The following RAB3C variants were observed in gnomAD, a reference collection of about 807,000 sequenced individuals.
RAB3C encodes ras-related protein Rab-3C.
RAB3C carries 17 observed loss-of-function variants against 26.4 expected under a neutral mutation model. The observed-to-expected ratio is 0.64, with a 90% confidence interval of 0.44 to 0.97. The LOEUF (loss-of-function observed/expected upper bound fraction) is 0.97, where lower values mean the gene tolerates loss of function less well. Among genes scored for constraint, RAB3C ranks in the 50% least tolerant of loss-of-function variants. The pLI is 0.00. For synonymous variants in RAB3C, 91 were observed against 95.9 expected (o/e 0.95, Z 0.30); for missense variants, 242 against 281.9 (o/e 0.86, Z 1.01).
intron 2 of RAB3C, among the ~76,000 whole-genome samples, chr5:58,693,609 C>T (rs1409506995): frequency 6.6e-6 from 1 of 152,070 alleles, no homozygotes; most frequent in Non-Finnish European, 1.5e-5. Context: ...AAAAGTGACT[C>T]CAAGTGACTT....
chr5:58,849,680 C>T (rs1436762373), intron 4 of RAB3C, among the ~76,000 whole-genome samples: 1 of 152,190 alleles, frequency 6.6e-6, no homozygotes, highest in Non-Finnish European at 1.5e-5. Context: ...CAACCCCAAT[C>T]CTGCAGTTAT....
chr5:58,795,048 TG>T (rs1455622625), intron 3 of RAB3C, among the ~76,000 whole-genome samples: 1 of 152,166 alleles, frequency 6.6e-6, no homozygotes, highest in African/African-American at 2.4e-5. Context: ...AGACACCCGG[TG>T]GGAGGTATTT....
intron 3 of RAB3C, among the ~76,000 whole-genome samples, chr5:58,772,212 C>T (rs1414181985): frequency 6.6e-6 from 1 of 152,128 alleles, no homozygotes; most frequent in African/African-American, 2.4e-5. Flanking sequence ...GGAGAATTGA[C>T]TGTACTTGGT....
At chr5:58,845,612 A>ATGTGTGTGTGTGTGTGTGTG (rs1289870360) in intron 4 of RAB3C, among the ~76,000 whole-genome samples, 1 of 81,744 alleles carries the variant, frequency 1.2e-5, no homozygotes, top group African/African-American at 5.8e-5. Context: ...ATATATATAT[A>ATGTGTGTGTGTGTGTGTGTG]TGTGTGTGTG....
At chr5:58,618,533 T>C (rs1250156761) in intron 2 of RAB3C, among the ~76,000 whole-genome samples, 1 of 152,162 alleles carries the variant, frequency 6.6e-6, no homozygotes, top group African/African-American at 2.4e-5. Context: ...TTTTTGCCTC[T>C]CCTTACCTCC....
In RAB3C at chr5:58,851,552, A is replaced by G. The variant is rs866427858; in HGVS notation, c.*201A>G. 2.2e-6 allele frequency: 1 copy of G among 447,060 alleles called. No homozygotes were observed. Among genetic ancestry groups the G allele is most frequent in the Non-Finnish European group, 3.9e-6 (1 of 256,564 alleles). The allele number at this position is 447,060 out of a possible 1,614,324, so 27.7% of individuals were successfully genotyped here. The stretch of plus-strand genomic sequence containing the variant: ...ATGTGATCTTAAATTTATAAGGACT[A>G]TCCATCTATAAACATCTGGTACCTG... On this transcript the variant is annotated 3_prime_UTR_variant, in exon 5 of 5. Transcript: ENST00000282878.
chr5:58,717,304 C>G (rs542794138), intron 2 of RAB3C, among the ~76,000 whole-genome samples: 1 of 152,236 alleles, frequency 6.6e-6, no homozygotes. Context: ...TCTGTCCCTT[C>G]TTTTTGTAGC....
At chr5:58,756,923 T>G (rs1232166769) in intron 3 of RAB3C, among the ~76,000 whole-genome samples, 2 of 152,212 alleles carry the variant, frequency 1.3e-5, no homozygotes, top group Admixed American at 6.5e-5. Flanking sequence ...TGTGTCTTTA[T>G]AGTAGAGTGA....
intron 2 of RAB3C, among the ~76,000 whole-genome samples, chr5:58,643,111 T>C (rs1227918590): frequency 6.6e-6 from 1 of 152,242 alleles, no homozygotes; most frequent in Non-Finnish European, 1.5e-5. Context: ...ACAGTCTGCC[T>C]GTATAGCTAA....
At chr5:58,742,127 A>G (rs1445214235) in intron 3 of RAB3C, 1 of 152,244 alleles carries the variant, frequency 6.6e-6, no homozygotes, top group African/African-American at 2.4e-5. Context: ...GTGCACACCA[A>G]CTGAAGCCAT....
At chr5:58,680,090 G>A (rs930218285) in intron 2 of RAB3C, among the ~76,000 whole-genome samples, 2 of 152,048 alleles carry the variant, frequency 1.3e-5, no homozygotes, top group African/African-American at 4.8e-5. Flanking sequence ...TGGTAGTAAG[G>A]GAAATGTGGC....
intron 2 of RAB3C, among the ~76,000 whole-genome samples, chr5:58,633,391 G>T (rs559298054): frequency 2.6e-5 from 4 of 152,302 alleles, no homozygotes; most frequent in African/African-American, 7.2e-5. Flanking sequence ...AAGGAAAGTA[G>T]AGGGGGAGGC....
At chr5:58,825,724 T>C (rs1396284339) in intron 4 of RAB3C, among the ~76,000 whole-genome samples, 3 of 152,174 alleles carry the variant, frequency 2.0e-5, no homozygotes, top group African/African-American at 7.2e-5. Flanking sequence ...ATAATAGATA[T>C]GAGAAAGTTT....
chr5:58,647,492 G>GT (rs5868124), intron 2 of RAB3C: 152,285 of 152,286 alleles, frequency 1, 76,142 homozygotes, highest in Non-Finnish European at 1. Context: ...CTCCCACTGG[G>GT]CCCCCCTCGA....
chr5:58,649,298 C>T (rs2111782862), intron 2 of RAB3C, among the ~76,000 whole-genome samples: 2 of 152,084 alleles, frequency 1.3e-5, no homozygotes, highest in South Asian at 4.2e-4. Context: ...GATGCCTATT[C>T]AGTACTGATT....
At chr5:58,612,508 G>A (rs1449796496) in intron 1 of RAB3C, among the ~76,000 whole-genome samples, 9 of 60,364 alleles carry the variant, frequency 1.5e-4, no homozygotes, top group Admixed American at 1.4e-3. Flanking sequence ...GTGTGTGTGT[G>A]TGTGTGTGTG....
intron 2 of RAB3C, among the ~76,000 whole-genome samples, chr5:58,675,615 C>CTTTTTTTTTTT (rs1195191076): frequency 1.1e-5 from 1 of 89,400 alleles, no homozygotes; most frequent in African/African-American, 4.0e-5. Flanking sequence ...GGCCATTTGT[C>CTTTTTTTTTTT]TTTTTTTTTT....
chr5:58,649,205 C>T (rs546658118), intron 2 of RAB3C, among the ~76,000 whole-genome samples: 4 of 152,254 alleles, frequency 2.6e-5, no homozygotes, highest in African/African-American at 4.8e-5. Flanking sequence ...AACCTCCCTA[C>T]GGTCTGGTGA....
At chr5:58,712,858 G>A (rs533028742) in intron 2 of RAB3C, among the ~76,000 whole-genome samples, 1 of 152,160 alleles carries the variant, frequency 6.6e-6, no homozygotes, top group East Asian at 1.9e-4. Flanking sequence ...TATTTTTGAA[G>A]ATATATGTGG....
Sources: gnomAD v4.1 joint callset for allele counts (sites outside exome capture counted in the v4.1 genomes callset) on GRCh38, gnomAD v4.1.1 for gene constraint, MANE v1.5 for transcripts, NCBI Gene and HGNC (gene_info 2026-07-23, HGNC 2026-07-21) for gene names.